Variants in EVC2 observed in about 807,000 individuals in gnomAD.
The protein encoded by EVC2 is EvC ciliary complex subunit 2, also known as limbin.
Under a neutral mutation model 149.3 loss-of-function variants are expected in EVC2, and 148 were observed. That is an observed-to-expected ratio of 0.99 (90% CI 0.87 to 1.14). The LOEUF (loss-of-function observed/expected upper bound fraction) is 1.14, where lower values mean the gene tolerates loss of function less well. Ranked by LOEUF, EVC2 falls within the 50% of genes most tolerant of loss-of-function variation. EVC2 has a pLI of 0.00. For missense variants in EVC2, 1,854 were observed against 1,627.3 expected, an observed-to-expected ratio of 1.14 and a Z score of -2.40; for synonymous variants, 776 against 649.9, an observed-to-expected ratio of 1.19 and a Z score of -2.95.
chr4:5,596,182 T>C (rs1267035779), intron 16 of EVC2, among the ~76,000 whole-genome samples: 1 of 152,078 alleles, frequency 6.6e-6, no homozygotes, highest in East Asian at 1.9e-4. Context: ...TTAACAAGGA[T>C]ACCCAGGAAC....
intron 9 of EVC2, among the ~76,000 whole-genome samples, chr4:5,647,881 C>T (rs566380057): frequency 1.1e-4 from 16 of 152,264 alleles, no homozygotes; most frequent in South Asian, 2.1e-4. Context: ...TTGGAGAACG[C>T]CCTGTGGCGA....
chr4:5,537,698 A>G, the EVC2 span, among the ~76,000 whole-genome samples: 1 of 152,242 alleles, frequency 6.6e-6, no homozygotes, highest in African/African-American at 2.4e-5. Flanking sequence ...CAAGTAAAGA[A>G]GCAGGAAATG....
chr4:5,694,844 C>G (rs1421360937), intron 2 of EVC2, among the ~76,000 whole-genome samples: 1 of 152,178 alleles, frequency 6.6e-6, no homozygotes, highest in Non-Finnish European at 1.5e-5. Context: ...CCTGGCTCTG[C>G]CCCTCCAGCT....
chr4:5,626,771 C>T (rs1008249756), intron 12 of EVC2, among the ~76,000 whole-genome samples: 4 of 152,172 alleles, frequency 2.6e-5, no homozygotes, highest in Non-Finnish European at 1.5e-5. Flanking sequence ...GAATAGAACA[C>T]AGAGGCAGAG....
chr4:5,620,127 C>A (rs1333077750), intron 14 of EVC2, among the ~76,000 whole-genome samples: 1 of 152,210 alleles, frequency 6.6e-6, no homozygotes, highest in Non-Finnish European at 1.5e-5. Context: ...ATGTGACACC[C>A]GTCTTGGGTT....
At chr4:5,551,152 G>A (rs936869200) in intron 21 of EVC2, among the ~76,000 whole-genome samples, 20 of 139,108 alleles carry the variant, frequency 1.4e-4, no homozygotes, top group South Asian at 7.7e-4. Context: ...TAGTGGAGCC[G>A]TGAGAAGAGG....
the EVC2 span, among the ~76,000 whole-genome samples, chr4:5,535,220 A>G: frequency 5.4e-4 from 82 of 152,232 alleles, no homozygotes; most frequent in African/African-American, 1.7e-3. The surrounding 1 kb of genome is among the most constrained non-coding windows in gnomAD (Gnocchi z 4.7). Context: ...CCCAGTGCCA[A>G]CTGGGAGGCT....
chr4:5,574,784 A>G lies in EVC2; in HGVS notation c.3273-12T>C, dbSNP rs1340504478. The G allele has an allele frequency of 1.9e-6, 3 of 1,613,582 alleles. No homozygotes were observed. The Admixed American group carries it at 5.0e-5, about 27-fold the overall frequency. On this transcript the variant is annotated splice_polypyrimidine_tract_variant and intron_variant, in intron 18 of 21. Transcript: ENST00000344408. ...GTTCCTCTCTCAAACTGGAGTGAAAATAAAATATACGTAAGTTCAGTTTTG... is the reference window on the plus strand; with the variant it reads ...GTTCCTCTCTCAAACTGGAGTGAAAGTAAAATATACGTAAGTTCAGTTTTG...
At chr4:5,658,875 T>G (rs967969684) in intron 9 of EVC2, among the ~76,000 whole-genome samples, 37 of 152,172 alleles carry the variant, frequency 2.4e-4, no homozygotes, top group African/African-American at 8.7e-4. Context: ...AGCTAAAACA[T>G]GCTCGGCACT....
rs762404021 is a variant in EVC2, at chr4:5,615,493, G to T, written c.2758C>A (p.Leu920Ile). The change falls in exon 16 of 22, where the codon CTT becomes ATT. Residue 920 changes from leucine to isoleucine, a missense_variant. Leu to Ile is a conservative substitution (Grantham distance 5, BLOSUM62 2). Transcript: ENST00000344408. ...SRSKSKSKGE[L>I]LKKCIEDKIH... is the part of the protein sequence containing the mutation. ...TTGTCTTCGATGCACTTCTTCAGAA[G>T]CTCTCCCTTGCTTTTACTCTTGGAC... The T allele has an allele frequency of 1.2e-6, 2 of 1,614,234 alleles. No homozygotes were observed. The highest frequency in any genetic ancestry group is 3.3e-5 in the Admixed American group (2 of 60,026).
At chr4:5,553,684 A>G (rs1024017050) in intron 21 of EVC2, among the ~76,000 whole-genome samples, 4 of 152,238 alleles carry the variant, frequency 2.6e-5, no homozygotes, top group African/African-American at 9.6e-5. Context: ...TAAAGTGTTC[A>G]CTTTAAATGG....
In EVC2 at chr4:5,590,607, C is replaced by T. The variant is rs115500855; in HGVS notation, c.2830-5757G>A. ...CAAAGCAACCAACCAGCATTCCTTC[C>T]GGATAATACACACTGACCACAGAGT... On this transcript the variant is annotated intron_variant, in intron 16 of 21. Transcript: ENST00000344408. Among the ~76,000 whole-genome samples, 853 of 152,260 alleles carry T rather than the reference C, an allele frequency of 5.6e-3. 8 individuals are homozygous for T. The highest frequency in any genetic ancestry group is 0.02 in the African/African-American group (812 of 41,540).
At chr4:5,708,784 C>T (rs986516083), upstream of EVC2, 2 of 353,972 alleles carry the variant, frequency 5.7e-6, no homozygotes, top group Non-Finnish European at 1.0e-5. Context: ...CTCCCCTGCT[C>T]CCCGAGGTTA....
chr4:5,596,185 C>A (rs186960644), intron 16 of EVC2, among the ~76,000 whole-genome samples: 2,598 of 152,142 alleles, frequency 0.017, 62 homozygotes, highest in African/African-American at 0.058. Flanking sequence ...ACAAGGATAC[C>A]CAGGAACTGA....
downstream of EVC2, among the ~76,000 whole-genome samples, chr4:5,539,167 A>T (rs917642770): frequency 1.3e-5 from 2 of 152,220 alleles, no homozygotes; most frequent in Admixed American, 1.3e-4. Context: ...AAAAAACAGA[A>T]ACTGGAATTT....
rs138557398 is a variant in EVC2 at position 5,590,730 on chromosome 4, T to C, written c.2830-5880A>G. On this transcript the variant is annotated intron_variant, in intron 16 of 21. Transcript: ENST00000344408. ...GGTAGAAAACACCACCCTTAGATCA[T>C]GCTAGCACCACCATTTTTTTGTACA... 4.6e-5 allele frequency among the ~76,000 whole-genome samples: 7 copies of C among 152,332 alleles called. No homozygotes were observed. The East Asian group carries it at 1.3e-3, about 29-fold the overall frequency.
Position 5,565,277 on chromosome 4 carries a change from C to G in EVC2, c.3640G>C (p.Ala1214Pro). The G allele has an allele frequency of 3.1e-6, 5 of 1,614,060 alleles. No individual in the cohort carries two copies. Among genetic ancestry groups the G allele is most frequent in the Non-Finnish European group, 4.2e-6 (5 of 1,179,984 alleles). The change falls in exon 21 of 22, where the codon GCC becomes CCC. Residue 1214 changes from alanine (A) to proline (P), a missense_variant. Coordinates refer to ENST00000344408, the MANE Select transcript of EVC2 (RefSeq NM_147127.5). ...CATTACCTCTGCTTTCTCTTGCGGGCCCACAGCATCTTTTCTAATCCTCTG... is the reference window on the plus strand; with the variant it reads ...CATTACCTCTGCTTTCTCTTGCGGGGCCACAGCATCTTTTCTAATCCTCTG... ...ISRGLEKMLW[A>P]RKRKQSILKK...
intron 6 of EVC2, among the ~76,000 whole-genome samples, chr4:5,684,000 G>A (rs975975737): frequency 6.6e-6 from 1 of 152,086 alleles, no homozygotes; most frequent in Non-Finnish European, 1.5e-5. Flanking sequence ...GGACATGGAA[G>A]CTTCCATTTC....
In EVC2 at chr4:5,584,613, C is replaced by A. The variant is rs2108788255; in HGVS notation, c.3057+10G>T. On this transcript the variant is annotated intron_variant, in intron 17 of 21. Coordinates refer to ENST00000344408, the MANE Select transcript of EVC2 (RefSeq NM_147127.5). ...TCTGTCCCCCTCTCCTTCCCAGCGC[C>A]TGCACTCACCCGGCTGTGCGACTCC... The A allele has an allele frequency of 6.2e-7, 1 of 1,611,346 alleles. No individual in the cohort carries two copies. Among genetic ancestry groups the A allele is most frequent in the Non-Finnish European group, 8.5e-7 (1 of 1,178,902 alleles).
Sources: gnomAD v4.1 joint callset for allele counts (sites outside exome capture counted in the v4.1 genomes callset) on GRCh38, gnomAD v4.1.1 for gene constraint, Gnocchi (gnomAD v3.1) non-coding constraint, MANE v1.5 for transcripts, NCBI Gene and HGNC (gene_info 2026-07-23, HGNC 2026-07-21) for gene names.